Variants in CDK6 observed in about 807,000 individuals in gnomAD.
CDK6 encodes the protein cyclin-dependent kinase 6.
A neutral mutation model predicts 37.1 loss-of-function variants in CDK6; 6 were observed. The observed-to-expected ratio is 0.16, with a 90% CI of 0.09 to 0.32. CDK6 has a LOEUF of 0.32. Ranked by LOEUF, CDK6 falls within the 10% of genes least tolerant of loss-of-function variation. The pLI is 1.00. For synonymous variants in CDK6, 160 were observed against 161.3 expected, an observed-to-expected ratio of 0.99 and a Z score of 0.06; for missense variants, 224 against 418.9, an observed-to-expected ratio of 0.53 and a Z score of 4.06.
intron 2 of CDK6, among the ~76,000 whole-genome samples, chr7:92,776,042 C>G (rs917251806): frequency 2.0e-5 from 3 of 152,004 alleles, no homozygotes; most frequent in Non-Finnish European, 4.4e-5. Context: ...GGTATTTCTC[C>G]TAATGCTATC....
intron 5 of CDK6, among the ~76,000 whole-genome samples, chr7:92,663,665 C>T (rs1585379916): frequency 1.3e-5 from 2 of 151,066 alleles, no homozygotes; most frequent in African/African-American, 2.4e-5. Flanking sequence ...TGCACCACTG[C>T]ACTCCAGCCT....
intron 3 of CDK6, among the ~76,000 whole-genome samples, chr7:92,768,769 G>A (rs1018410386): frequency 3.0e-4 from 46 of 152,116 alleles, no homozygotes; most frequent in Admixed American, 2.0e-3. Context: ...GACCAGCAGC[G>A]ACAGGGCATT....
intron 2 of CDK6, among the ~76,000 whole-genome samples, chr7:92,795,233 T>C (rs1051862317): frequency 6.6e-6 from 1 of 152,142 alleles, no homozygotes; most frequent in African/African-American, 2.4e-5. Context: ...GAAGGGTGAT[T>C]TTGCTTATTT....
At chr7:92,712,241 T>C (rs1265669698) in intron 4 of CDK6, among the ~76,000 whole-genome samples, 1 of 152,032 alleles carries the variant, frequency 6.6e-6, no homozygotes, top group Non-Finnish European at 1.5e-5. Context: ...TGGAAGAACC[T>C]GCAAAAAATG....
In CDK6 at chr7:92,711,552, ATTTT is replaced by A. The variant is rs11285626; in HGVS notation, c.537+14070_537+14073del. Among the ~76,000 whole-genome samples, 229 of 56,622 alleles carry A rather than the reference ATTTT, an allele frequency of 4.0e-3. 1 individual carries two copies. The highest frequency in any genetic ancestry group is 0.017 in the African/African-American group (209 of 12,216). The allele number at this position is 56,622 out of a possible 152,430, so 37.1% of individuals were successfully genotyped here. On this transcript the variant is annotated intron_variant, in intron 4 of 7. Transcript: ENST00000424848. ...TTTTTTACCTACCTGGAATGGTCAA[ATTTT>A]TTTTTTTTTTTTTTTTTTTTTTTTT...
chr7:92,629,214 A>G (rs1226433099), intron 5 of CDK6, among the ~76,000 whole-genome samples: 1 of 152,116 alleles, frequency 6.6e-6, no homozygotes, highest in Non-Finnish European at 1.5e-5. Flanking sequence ...CACTTAGAGG[A>G]AAGACTTGTG....
intron 4 of CDK6, among the ~76,000 whole-genome samples, chr7:92,707,395 TTATACTGTGTATAATAG>T (rs888772295): frequency 6.6e-6 from 1 of 152,234 alleles, no homozygotes; most frequent in African/African-American, 2.4e-5. Flanking sequence ...TACTGTGGTA[TTATACTGTGTATAATAG>T]CCGTTATACT....
intron 4 of CDK6, chr7:92,725,215 G>A: frequency 1.0e-6 from 1 of 985,350 alleles, no homozygotes; most frequent in Non-Finnish European, 1.2e-6. Flanking sequence ...ACAAACCTGT[G>A]TAGGCACTCT....
At chr7:92,748,858 T>C (rs1799120559) in intron 3 of CDK6, among the ~76,000 whole-genome samples, 1 of 152,146 alleles carries the variant, frequency 6.6e-6, no homozygotes, top group Admixed American at 6.5e-5. Context: ...TTAATGAATG[T>C]GATTTTGCAA....
chr7:92,720,694 C>T (rs542014152), intron 4 of CDK6, among the ~76,000 whole-genome samples: 24 of 152,236 alleles, frequency 1.6e-4, no homozygotes, highest in East Asian at 1.4e-3. Context: ...ATGTCAGACC[C>T]GGGTGCACAG....
rs569229866 is a variant in CDK6, at chr7:92,678,433, G to A, written c.538-6898C>T. 1.7e-3 allele frequency among the ~76,000 whole-genome samples: 258 copies of A among 152,034 alleles called. 3 individuals are homozygous for A. Among genetic ancestry groups the A allele is most frequent in the African/African-American group, 6.0e-3 (249 of 41,476 alleles). On this transcript the variant is annotated intron_variant, in intron 4 of 7. Transcript: ENST00000424848. ...TGGATGTGGCAACAGGAGGGGGAGCGGAAGGCAGGGGGGAGTTCAAGGATA... is the reference window on the plus strand; with the variant it reads ...TGGATGTGGCAACAGGAGGGGGAGCAGAAGGCAGGGGGGAGTTCAAGGATA...
At chr7:92,781,936 T>C (rs1424825266) in intron 2 of CDK6, among the ~76,000 whole-genome samples, 1 of 152,238 alleles carries the variant, frequency 6.6e-6, no homozygotes, top group Non-Finnish European at 1.5e-5. Context: ...TGGGCCACTG[T>C]ATTCTCTTTT....
At chr7:92,798,130 A>G (rs1800463105) in intron 2 of CDK6, among the ~76,000 whole-genome samples, 1 of 152,242 alleles carries the variant, frequency 6.6e-6, no homozygotes, top group Non-Finnish European at 1.5e-5. Flanking sequence ...CTTTAGCCAT[A>G]CAAAGCCCAA....
intron 4 of CDK6, among the ~76,000 whole-genome samples, chr7:92,702,338 T>C (rs540087325): frequency 4.1e-5 from 6 of 146,624 alleles, no homozygotes; most frequent in South Asian, 4.4e-4. Context: ...GTTCAAGTGA[T>C]TGTCCTGTCT....
intron 2 of CDK6, among the ~76,000 whole-genome samples, chr7:92,784,938 TG>T (rs1461162699): frequency 6.6e-6 from 1 of 152,212 alleles, no homozygotes; most frequent in Non-Finnish European, 1.5e-5. Flanking sequence ...ATTTTGTAAC[TG>T]CTGTTAAACG....
At chr7:92,798,817 C>A (rs1027371784) in intron 2 of CDK6, among the ~76,000 whole-genome samples, 2 of 152,162 alleles carry the variant, frequency 1.3e-5, no homozygotes, top group Non-Finnish European at 2.9e-5. Flanking sequence ...GCTCCCAATT[C>A]CTCCCTGCTT....
At chr7:92,815,353 C>T (rs772221449) in intron 2 of CDK6, among the ~76,000 whole-genome samples, 1 of 152,110 alleles carries the variant, frequency 6.6e-6, no homozygotes, top group Non-Finnish European at 1.5e-5. Flanking sequence ...TGAGAGCCAG[C>T]AGGGAGGAAA....
At chr7:92,784,432 A>G (rs1800072213) in intron 2 of CDK6, among the ~76,000 whole-genome samples, 1 of 152,218 alleles carries the variant, frequency 6.6e-6, no homozygotes, top group South Asian at 2.1e-4. Context: ...TATAAAGAAC[A>G]ATTCACCAAC....
At chr7:92,683,579 C>T (rs1014788900) in intron 4 of CDK6, among the ~76,000 whole-genome samples, 5 of 152,196 alleles carry the variant, frequency 3.3e-5, no homozygotes, top group East Asian at 1.9e-4. Context: ...TTCTGCAGTA[C>T]GCTCTCCTCC....
Sources: allele counts gnomAD v4.1 joint callset (sites outside exome capture counted in the v4.1 genomes callset), GRCh38; gene constraint gnomAD v4.1.1; transcripts MANE v1.5; gene names NCBI Gene and HGNC (gene_info 2026-07-23, HGNC 2026-07-21).